KCNH7: variants seen among roughly 807,000 people sequenced by gnomAD.
The protein encoded by KCNH7 is voltage-gated inwardly rectifying potassium channel KCNH7.
KCNH7 carries 49 observed loss-of-function variants against 120.8 expected under a neutral mutation model. That is an observed-to-expected ratio of 0.41 (90% CI 0.32 to 0.51). KCNH7 has a LOEUF of 0.51. KCNH7 is among the 20% of genes least tolerant of loss of function. The pLI, the probability that KCNH7 is intolerant of heterozygous loss-of-function variation, is 0.38. For missense variants in KCNH7, 1,097 were observed against 1,446.6 expected (o/e 0.76, Z 3.92); for synonymous variants, 547 against 516.1 (o/e 1.06, Z -0.81).
At chr2:162,625,517 TAGGCAGCATCAGGGCCC>T (rs1368368213) in intron 2 of KCNH7, among the ~76,000 whole-genome samples, 1 of 152,122 alleles carries the variant, frequency 6.6e-6, no homozygotes, top group Non-Finnish European at 1.5e-5. Flanking sequence ...ACAGCTGCTT[TAGGCAGCATCAGGGCCC>T]AGGCAGCAAG....
chr2:162,708,811 G>A (rs1686812603), intron 2 of KCNH7, among the ~76,000 whole-genome samples: 1 of 152,024 alleles, frequency 6.6e-6, no homozygotes, highest in African/African-American at 2.4e-5. Context: ...CACTGTAGAT[G>A]TCATAGAGAC....
chr2:162,371,720 T>C lies in KCNH7; in HGVS notation c.*109A>G. Reference sequence around the variant, plus strand: ...GGAAAATATACAGTACTTTTGCATATAATGGTACCTTGTGAGCCCCTGAGT... The same window carrying C: ...GGAAAATATACAGTACTTTTGCATACAATGGTACCTTGTGAGCCCCTGAGT... On this transcript the variant is annotated 3_prime_UTR_variant, in exon 16 of 16. Transcript: ENST00000332142. 2 of 1,070,250 alleles carry C rather than the reference T, an allele frequency of 1.9e-6. No homozygotes were observed. The highest frequency in any genetic ancestry group is 2.6e-6 in the Non-Finnish European group (2 of 755,080). The allele number at this position is 1,070,250 out of a possible 1,614,324, so 66.3% of individuals were successfully genotyped here.
At chr2:162,782,858 C>T (rs1381068976) in intron 2 of KCNH7, among the ~76,000 whole-genome samples, 1 of 152,156 alleles carries the variant, frequency 6.6e-6, no homozygotes, top group African/African-American at 2.4e-5. Context: ...TCATGTTTCT[C>T]GAAATCTCCT....
intron 2 of KCNH7, among the ~76,000 whole-genome samples, chr2:162,655,797 A>G (rs932297159): frequency 2.0e-5 from 3 of 152,112 alleles, no homozygotes; most frequent in African/African-American, 7.2e-5. Context: ...GTCTCAAAAA[A>G]CAAAAAACAA....
In KCNH7 at chr2:162,414,112, C is replaced by T. The variant is rs191225685; in HGVS notation, c.2154+9224G>A. Among the ~76,000 whole-genome samples the T allele has an allele frequency of 3.0e-3, 455 of 151,776 alleles. 1 individual carries two copies. The highest frequency in any genetic ancestry group is 5.2e-3 in the Non-Finnish European group (350 of 67,812). On this transcript the variant is annotated intron_variant, in intron 9 of 15. Transcript: ENST00000332142. ...TAAACTGGCAAAAATTGAAAAGAAC[C>T]ATAACACCCAGCGCTAGTAAAGGGA...
At chr2:162,486,867 C>A (rs1690114625) in intron 6 of KCNH7, among the ~76,000 whole-genome samples, 1 of 152,104 alleles carries the variant, frequency 6.6e-6, no homozygotes, top group Non-Finnish European at 1.5e-5. Context: ...GTTTTATAGA[C>A]TTATTTAATT....
rs557965074 is a variant in KCNH7, at chr2:162,833,843, C to T, written c.307+2694G>A. Among the ~76,000 whole-genome samples, 30 of 152,206 alleles carry T rather than the reference C, an allele frequency of 2.0e-4. No homozygotes were observed. The South Asian group carries it at 4.1e-3, about 21-fold the overall frequency. ...ATAATGCCTCGGTCGTATTTTTACT[C>T]CTCCAGTAAGAGCAAATGGAAGAAA... On this transcript the variant is annotated intron_variant, in intron 2 of 15. Coordinates refer to ENST00000332142, the MANE Select transcript of KCNH7 (RefSeq NM_033272.4).
intron 5 of KCNH7, among the ~76,000 whole-genome samples, chr2:162,508,006 T>C (rs1430594541): frequency 2.6e-5 from 4 of 151,650 alleles, no homozygotes; most frequent in African/African-American, 9.7e-5. Flanking sequence ...CTAGTGAAGT[T>C]ATATTTGAAC....
chr2:162,454,863 T>C (rs1237159126), intron 6 of KCNH7, among the ~76,000 whole-genome samples: 2 of 152,086 alleles, frequency 1.3e-5, no homozygotes, highest in Admixed American at 6.6e-5. Flanking sequence ...TTTCTAAATA[T>C]AGAATCATGT....
chr2:162,469,196 T>C (rs545599536), intron 6 of KCNH7, among the ~76,000 whole-genome samples: 3 of 150,080 alleles, frequency 2.0e-5, no homozygotes, highest in Non-Finnish European at 4.4e-5. Context: ...AATAGCTAAA[T>C]ACTGTTATGA....
chr2:162,496,403 T>G (rs925283624), intron 6 of KCNH7, among the ~76,000 whole-genome samples: 33 of 152,034 alleles, frequency 2.2e-4, no homozygotes, highest in Admixed American at 2.2e-3. Context: ...GCATGCGCAC[T>G]GGGGGGATGG....
At chr2:162,724,728 C>A (rs1687458015) in intron 2 of KCNH7, among the ~76,000 whole-genome samples, 1 of 151,764 alleles carries the variant, frequency 6.6e-6, no homozygotes, top group African/African-American at 2.4e-5. Context: ...TCTCTCTCTT[C>A]CTCTCTCTCT....
rs1685732798 is a variant in KCNH7, at chr2:162,838,318, G to C, written c.76+125C>G. 6 of 703,620 alleles carry C rather than the reference G, an allele frequency of 8.5e-6. 1 individual carries two copies. The highest frequency in any genetic ancestry group is 5.1e-5 in the South Asian group (3 of 58,534). The allele number at this position is 703,620 out of a possible 1,614,324, so 43.6% of individuals were successfully genotyped here. On this transcript the variant is annotated intron_variant, in intron 1 of 15. Transcript: ENST00000332142. ...CGCTGCCATTCGAACCTCCTGGCTC[G>C]GTTTCACAGCCTCTTAAGTTGACAG...
chr2:162,523,469 C>A (rs7584789), intron 3 of KCNH7, among the ~76,000 whole-genome samples: 1 of 151,648 alleles, frequency 6.6e-6, no homozygotes, highest in Non-Finnish European at 1.5e-5. Flanking sequence ...AATGGGGCTT[C>A]AAAAATTGGC....
At chr2:162,744,258 C>A (rs2105416299) in intron 2 of KCNH7, among the ~76,000 whole-genome samples, 1 of 152,218 alleles carries the variant, frequency 6.6e-6, no homozygotes, top group East Asian at 1.9e-4. Flanking sequence ...TAAATTGTCC[C>A]AAAATACTCA....
At chr2:162,651,726 G>T (rs1401209099) in intron 2 of KCNH7, among the ~76,000 whole-genome samples, 1 of 152,062 alleles carries the variant, frequency 6.6e-6, no homozygotes, top group African/African-American at 2.4e-5. Context: ...CTCAGTAATG[G>T]GATTGCTGGG....
At chr2:162,695,343 C>A (rs530217263) in intron 2 of KCNH7, among the ~76,000 whole-genome samples, 2 of 152,214 alleles carry the variant, frequency 1.3e-5, no homozygotes, top group East Asian at 3.9e-4. Context: ...ATGGTTGCAG[C>A]AGCACATAGT....
Position 162,504,437 on chromosome 2 carries a change from T to C in KCNH7, c.1128+6A>G, listed in dbSNP as rs1468149370. 2 of 1,600,884 alleles carry C rather than the reference T, an allele frequency of 1.2e-6. No individual in the cohort carries two copies. The highest frequency in any genetic ancestry group is 1.7e-4 in the Middle Eastern group (1 of 6,034). On this transcript the variant is annotated splice_donor_region_variant and intron_variant, in intron 6 of 15. Transcript: ENST00000332142. ...AGTTGAAATTGATAAGAAAATTGTG[T>C]CCTACCTGGGTCACTTTCTCAGTCA... is the stretch of plus-strand genomic sequence containing the variant.
At chr2:162,793,914 T>G (rs1684044802) in intron 2 of KCNH7, among the ~76,000 whole-genome samples, 1 of 152,018 alleles carries the variant, frequency 6.6e-6, no homozygotes, top group Non-Finnish European at 1.5e-5. Flanking sequence ...ACTTGAAATT[T>G]GCTAAGAGAA....
Sources: gnomAD v4.1 joint callset for allele counts (sites outside exome capture counted in the v4.1 genomes callset) on GRCh38, gnomAD v4.1.1 for gene constraint, MANE v1.5 for transcripts, NCBI Gene and HGNC (gene_info 2026-07-23, HGNC 2026-07-21) for gene names.